The following ZNF362 variants were observed in gnomAD, a reference collection of about 807,000 sequenced individuals.
ZNF362 encodes the protein zinc finger protein 362, also known as rotund homolog.
In ZNF362, 11 loss-of-function variants were observed where a neutral mutation model predicts 42.9. That is an observed-to-expected ratio of 0.26 (90% CI 0.16 to 0.42). ZNF362 has a LOEUF of 0.42. ZNF362 is among the 20% of genes least tolerant of loss of function. The probability of loss-of-function intolerance (pLI) is 1.00; values close to 1 mark genes in which losing one functional copy is unlikely to be tolerated. For synonymous variants in ZNF362, 255 were observed against 257.3 expected (o/e 0.99, Z 0.09); for missense variants, 362 against 576.2 (o/e 0.63, Z 3.81).
At chr1:33,141,361 C>T in the ZNF362 span, among the ~76,000 whole-genome samples, 4 of 152,170 alleles carry the variant, frequency 2.6e-5, no homozygotes, top group South Asian at 2.1e-4. Flanking sequence ...AATCTCCCTC[C>T]CCTATGTGCT....
chr1:33,184,522 GC>G, the ZNF362 span, among the ~76,000 whole-genome samples: 3 of 152,162 alleles, frequency 2.0e-5, no homozygotes, highest in African/African-American at 7.2e-5. Flanking sequence ...AAGGCATGAA[GC>G]TTTTGCTCTC....
chr1:33,163,223 G>C, the ZNF362 span: 1 of 152,018 alleles, frequency 6.6e-6, no homozygotes, highest in South Asian at 2.1e-4. Flanking sequence ...ATTTTTAGTA[G>C]AGACGGGGTT....
the ZNF362 span, among the ~76,000 whole-genome samples, chr1:33,169,129 G>A: frequency 2.0e-5 from 3 of 152,292 alleles, no homozygotes; most frequent in East Asian, 5.8e-4. Flanking sequence ...AGTCCTAAAC[G>A]TGATGCCACG....
At chr1:33,219,913 T>C in the ZNF362 span, among the ~76,000 whole-genome samples, 1 of 151,876 alleles carries the variant, frequency 6.6e-6, no homozygotes, top group Non-Finnish European at 1.5e-5. Context: ...CTACCCCAAC[T>C]CCCCCTAGAT....
At chr1:33,179,557 C>A in the ZNF362 span, among the ~76,000 whole-genome samples, 1 of 152,200 alleles carries the variant, frequency 6.6e-6, no homozygotes. Flanking sequence ...AGCCAAAAAC[C>A]TTCTGCTTCC....
chr1:33,141,157 C>T, the ZNF362 span, among the ~76,000 whole-genome samples: 1 of 151,964 alleles, frequency 6.6e-6, no homozygotes, highest in Non-Finnish European at 1.5e-5. Flanking sequence ...ATTTGATCAC[C>T]CTTTTGCCCC....
chr1:33,270,179 C>T (rs116359987), intron 1 of ZNF362, among the ~76,000 whole-genome samples: 509 of 152,270 alleles, frequency 3.3e-3, no homozygotes, highest in African/African-American at 0.012. Flanking sequence ...GAATGAGCAC[C>T]AACCCTACTT....
rs746737705 is a variant in ZNF362 at position 33,280,281 on chromosome 1, C to A, written c.507C>A (p.Ser169Arg). 1.9e-6 allele frequency: 3 copies of A among 1,613,882 alleles called. No homozygotes were observed. Among genetic ancestry groups the A allele is most frequent in the Non-Finnish European group, 2.5e-6 (3 of 1,179,890 alleles). ...SSPTLISGITSPPLLDSIKTI... is the reference protein window; with the variant it reads ...SSPTLISGITRPPLLDSIKTI... ...CCACCCTCATCTCAGGGATCACCAG[C>A]CCCCCTCTCCTGGACTCCATCAAGA... is the stretch of plus-strand genomic sequence containing the variant. The change falls in exon 5 of 9, where the codon AGC becomes AGA. Residue 169 changes from serine (S) to arginine (R), a missense_variant. Coordinates refer to ENST00000539719, the MANE Select transcript of ZNF362 (RefSeq NM_152493.3). The surrounding 1 kb of genome is among the most constrained non-coding windows in gnomAD (Gnocchi z 5.6).
chr1:33,169,483 A>T, the ZNF362 span, among the ~76,000 whole-genome samples: 1 of 152,112 alleles, frequency 6.6e-6, no homozygotes, highest in Non-Finnish European at 1.5e-5. Context: ...TGCCCTGCAC[A>T]GCAGCTGCAG....
Position 33,299,268 on chromosome 1 carries a change from T to A in ZNF362, c.*222T>A. The A allele has an allele frequency of 2.1e-6, 1 of 475,432 alleles. No individual in the cohort carries two copies. The highest frequency in any genetic ancestry group is 3.8e-6 in the Non-Finnish European group (1 of 261,398). The allele number at this position is 475,432 out of a possible 1,614,324, so 29.5% of individuals were successfully genotyped here. ...CTGTTTTGGTGGCATCCAAAGACGA[T>A]CTCAGAGCACTTTGAACCTCTCTGT... On this transcript the variant is annotated 3_prime_UTR_variant, in exon 9 of 9. Coordinates refer to ENST00000539719, the MANE Select transcript of ZNF362 (RefSeq NM_152493.3).
At chr1:33,192,744 A>G in the ZNF362 span, among the ~76,000 whole-genome samples, 1 of 152,050 alleles carries the variant, frequency 6.6e-6, no homozygotes, top group African/African-American at 2.4e-5. Flanking sequence ...ATGGATGGGG[A>G]ACTGATAGCA....
At chr1:33,218,471 C>T in the ZNF362 span, among the ~76,000 whole-genome samples, 315 of 152,196 alleles carry the variant, frequency 2.1e-3, 3 homozygotes, top group African/African-American at 7.2e-3. Context: ...ATATTGCCCT[C>T]CAAAAAGCTA....
the ZNF362 span, among the ~76,000 whole-genome samples, chr1:33,216,434 T>C: frequency 2.0e-5 from 3 of 147,452 alleles, no homozygotes; most frequent in East Asian, 6.0e-4. Flanking sequence ...ACCCCATCTC[T>C]ACTAAAAATA....
chr1:33,256,251 G>GCCCCCGCCCCCCGCCCGGCCCCCT (rs1645788876), upstream of ZNF362, among the ~76,000 whole-genome samples: 1 of 137,654 alleles, frequency 7.3e-6, no homozygotes, highest in South Asian at 2.4e-4. Flanking sequence ...CGCGCGGCCC[G>GCCCCCGCCCCCCGCCCGGCCCCCT]CCCCCGCCCC....
the ZNF362 span, among the ~76,000 whole-genome samples, chr1:33,161,265 A>G: frequency 6.6e-6 from 1 of 152,114 alleles, no homozygotes; most frequent in Admixed American, 6.5e-5. The surrounding 1 kb of genome is among the most constrained non-coding windows in gnomAD (Gnocchi z 4.3). Context: ...GATGGGCAGG[A>G]TGTCAGTTGG....
the ZNF362 span, among the ~76,000 whole-genome samples, chr1:33,189,696 T>TATAC: frequency 1.1e-4 from 10 of 94,238 alleles, no homozygotes; most frequent in East Asian, 1.6e-3. Context: ...TATATATATA[T>TATAC]ACACATATAT....
rs1645792971 is a variant in ZNF362 at position 33,256,613 on chromosome 1, G to C, written c.-130G>C. 1 of 146,426 alleles carries C rather than the reference G, an allele frequency of 6.8e-6. No individual in the cohort carries two copies. The highest frequency in any genetic ancestry group is 1.5e-5 in the Non-Finnish European group (1 of 65,642). 9.1% of individuals were successfully genotyped at this position (146,426 alleles called of 1,614,324 possible). On this transcript the variant is annotated 5_prime_UTR_variant, in exon 1 of 9. Transcript: ENST00000539719. Reference sequence around the variant, plus strand: ...CGGCCCTGCTCGGGCCGCCGGGCGCGGGGCTGCGGCCGCGTCCCGGAGGCG... The same window carrying C: ...CGGCCCTGCTCGGGCCGCCGGGCGCCGGGCTGCGGCCGCGTCCCGGAGGCG...
chr1:33,270,667 G>T, intron 2 of ZNF362, 55 bp downstream of exon 2: 2 of 1,599,134 alleles, frequency 1.3e-6, no homozygotes, highest in South Asian at 2.3e-5. Flanking sequence ...TGTTCTTTGG[G>T]GGATTAAAGC....
chr1:33,272,613 G>A (rs1645912575), intron 2 of ZNF362, among the ~76,000 whole-genome samples: 1 of 152,116 alleles, frequency 6.6e-6, no homozygotes, highest in Non-Finnish European at 1.5e-5. Context: ...GGCCACCAGC[G>A]TGTTTCCTCT....
Sources: gnomAD v4.1 joint callset for allele counts (sites outside exome capture counted in the v4.1 genomes callset) on GRCh38, gnomAD v4.1.1 for gene constraint, Gnocchi (gnomAD v3.1) non-coding constraint, MANE v1.5 for transcripts, NCBI Gene and HGNC (gene_info 2026-07-23, HGNC 2026-07-21) for gene names.